TBX5: variants seen among roughly 807,000 people sequenced by gnomAD.
The protein encoded by TBX5 is T-box transcription factor 5.
In TBX5, 8 loss-of-function variants were observed where a neutral mutation model predicts 51.1. The ratio of observed to expected loss-of-function variants is 0.16; its 90% CI spans 0.09 to 0.28. The LOEUF (loss-of-function observed/expected upper bound fraction) is 0.28, where lower values mean the gene tolerates loss of function less well. Ranked by LOEUF, TBX5 falls within the 10% of genes least tolerant of loss-of-function variation. TBX5 has a pLI of 1.00. For missense variants in TBX5, 589 were observed against 671.7 expected (o/e 0.88, Z 1.36); for synonymous variants, 302 against 266.4 (o/e 1.13, Z -1.30).
At chr12:114,391,254 G>A (rs1313846564) in intron 6 of TBX5, among the ~76,000 whole-genome samples, 3 of 152,228 alleles carry the variant, frequency 2.0e-5, no homozygotes, top group African/African-American at 4.8e-5. Context: ...CATGATCAGG[G>A]AATGAGCCAA....
rs1869523601 is a variant in TBX5, at chr12:114,366,193, G to C, written c.954C>G (p.Ser318Arg). 1.2e-6 allele frequency: 2 copies of C among 1,614,098 alleles called. No homozygotes were observed. Among genetic ancestry groups the C allele is most frequent in the East Asian group, 4.5e-5 (2 of 44,886 alleles). Residue 318 changes from serine (S) to arginine (R), a missense_variant, in exon 8 of 9, where the codon AGC becomes AGG. This residue lies in a region of TBX5 where 348 missense variants were observed against 360.4 expected (regional missense o/e 0.97). Transcript: ENST00000405440. Reference sequence around the variant, plus strand: ...TCCTCTTGGTACAATGGTAAATTTGGCTATGCTCCTGGGGCAGTGGGTATG... The same window carrying C: ...TCCTCTTGGTACAATGGTAAATTTGCCTATGCTCCTGGGGCAGTGGGTATG... ...PNPYPLPQEH[S>R]QIYHCTKRKE...
chr12:114,382,333 A>C (rs1471283363), intron 7 of TBX5, among the ~76,000 whole-genome samples: 1 of 152,056 alleles, frequency 6.6e-6, no homozygotes, highest in Non-Finnish European at 1.5e-5. Context: ...ATCAATCAAT[A>C]AGTAAGTACA....
At chr12:114,368,094 T>G (rs1305450912) in intron 7 of TBX5, among the ~76,000 whole-genome samples, 1 of 152,248 alleles carries the variant, frequency 6.6e-6, no homozygotes, top group Non-Finnish European at 1.5e-5. Flanking sequence ...ATTTTAAAAA[T>G]TAATCATTTA....
intron 2 of TBX5, among the ~76,000 whole-genome samples, chr12:114,402,390 C>T (rs916004839): frequency 1.3e-5 from 2 of 152,208 alleles, no homozygotes; most frequent in African/African-American, 4.8e-5. Context: ...GAAAACCACT[C>T]AGAATATTCT....
intron 6 of TBX5, among the ~76,000 whole-genome samples, chr12:114,387,181 C>T (rs889270443): frequency 1.1e-4 from 17 of 152,102 alleles, no homozygotes; most frequent in Non-Finnish European, 5.9e-5. Flanking sequence ...TCAAGTATCC[C>T]TAAAAATCAT....
intron 7 of TBX5, among the ~76,000 whole-genome samples, chr12:114,375,737 A>C (rs984772402): frequency 2.6e-5 from 4 of 152,114 alleles, no homozygotes; most frequent in African/African-American, 4.8e-5. Flanking sequence ...GGAGGTTCCC[A>C]AAAAAATTAA....
chr12:114,356,565 C>G (rs1040903651), intron 8 of TBX5, among the ~76,000 whole-genome samples: 2 of 152,052 alleles, frequency 1.3e-5, no homozygotes, highest in African/African-American at 4.8e-5. Context: ...CCCCCCATCT[C>G]AAAAATAAAT....
At chr12:114,357,756 T>C (rs2136362501) in intron 8 of TBX5, among the ~76,000 whole-genome samples, 1 of 152,322 alleles carries the variant, frequency 6.6e-6, no homozygotes, top group Middle Eastern at 3.4e-3. Flanking sequence ...TTATCTGAAA[T>C]TTTACCTTCC....
In TBX5 at chr12:114,405,931, C is replaced by T; in HGVS notation, c.-342G>A. ...CACCGGCAACCATATAATCTCAGTG[C>T]CCCGCTCCTCCTTTACACCCCCAGG... On this transcript the variant is annotated 5_prime_UTR_variant, in exon 1 of 9. Transcript: ENST00000405440. The T allele has an allele frequency of 2.0e-5, 20 of 985,468 alleles. No homozygotes were observed. Among genetic ancestry groups the T allele is most frequent in the Non-Finnish European group, 2.4e-5 (20 of 829,984 alleles). 61.0% of individuals were successfully genotyped at this position (985,468 alleles called of 1,614,324 possible). A position where few individuals can be genotyped will look rare whatever the true frequency, so the allele number is the denominator to read the frequency against.
At chr12:114,366,122 A>T (rs3741694) in intron 8 of TBX5, 43 bp downstream of exon 8, 5 of 1,589,900 alleles carry the variant, frequency 3.1e-6, no homozygotes, top group Non-Finnish European at 4.3e-6. Context: ...GGAAAGGAAA[A>T]GGTAAGAAAG....
intron 5 of TBX5, among the ~76,000 whole-genome samples, chr12:114,396,390 C>A (rs1020199201): frequency 1.3e-5 from 2 of 152,182 alleles, no homozygotes; most frequent in African/African-American, 4.8e-5. Context: ...AGTGTGGAGA[C>A]ATCAGCGCGA....
Position 114,355,909 on chromosome 12 carries a change from C to T in TBX5, c.1180G>A (p.Glu394Lys). The change falls in exon 9 of 9, where the codon GAG becomes AAG. Residue 394 changes from glutamate (E) to lysine (K), a missense_variant. By Grantham distance (56) the Glu-to-Lys change is moderately conservative. Transcript: ENST00000405440. ...GGCCACGTGTTGCAGCTGATGTCCTCTAGGCTGGGCACAGGCTCGCTGGGG... is the reference window on the plus strand; with the variant it reads ...GGCCACGTGTTGCAGCTGATGTCCTTTAGGCTGGGCACAGGCTCGCTGGGG... ...APPSEPVPSL[E>K]DISCNTWPSM... 1 of 1,613,828 alleles carries T rather than the reference C, an allele frequency of 6.2e-7. No homozygotes were observed. Among genetic ancestry groups the T allele is most frequent in the South Asian group, 1.1e-5 (1 of 91,084 alleles).
intron 4 of TBX5, among the ~76,000 whole-genome samples, 184 bp from the exon 5 acceptor site, chr12:114,398,904 G>C (rs1289062182): frequency 2.0e-5 from 3 of 152,200 alleles, no homozygotes; most frequent in Non-Finnish European, 4.4e-5. Context: ...CTTTGTGCCT[G>C]CGCCCAGGCA....
chr12:114,386,812 A>G (rs984441176), intron 6 of TBX5, among the ~76,000 whole-genome samples: 1 of 152,150 alleles, frequency 6.6e-6, no homozygotes, highest in African/African-American at 2.4e-5. Flanking sequence ...AACAACTTTC[A>G]GCCAGCCATG....
intron 8 of TBX5, among the ~76,000 whole-genome samples, chr12:114,359,253 G>C (rs772101271): frequency 6.6e-6 from 1 of 152,078 alleles, no homozygotes; most frequent in African/African-American, 2.4e-5. Context: ...ATTCCTCTCA[G>C]GCCTCATCAC....
At chr12:114,376,410 A>G (rs1870192195) in intron 7 of TBX5, among the ~76,000 whole-genome samples, 1 of 152,206 alleles carries the variant, frequency 6.6e-6, no homozygotes, top group African/African-American at 2.4e-5. Flanking sequence ...TCAACATGAC[A>G]TGACTCACTT....
intron 1 of TBX5, among the ~76,000 whole-genome samples, chr12:114,404,682 G>C (rs1451869564): frequency 6.6e-6 from 1 of 152,102 alleles, no homozygotes; most frequent in Non-Finnish European, 1.5e-5. Context: ...CCGTGCAGCC[G>C]TTCCGAGGAA....
In TBX5 at chr12:114,355,411, T is replaced by C. The variant is rs112051831; in HGVS notation, c.*121A>G. 549 of 1,259,124 alleles carry C rather than the reference T, an allele frequency of 4.4e-4. 2 individuals are homozygous for C. In the African/African-American group the frequency reaches 6.6e-3, roughly 15 times the overall value. 78.0% of individuals were successfully genotyped at this position (1,259,124 alleles called of 1,614,324 possible). A position where few individuals can be genotyped will look rare whatever the true frequency, so the allele number is the denominator to read the frequency against. ...GCGACCTTGAGTGCAGATGTGAACA[T>C]TGGGTGAAATGAAAAATCTTGTCCG... On this transcript the variant is annotated 3_prime_UTR_variant, in exon 9 of 9. Coordinates refer to ENST00000405440, the MANE Select transcript of TBX5 (RefSeq NM_181486.4).
At chr12:114,389,786 A>C in intron 6 of TBX5, among the ~76,000 whole-genome samples, 1 of 123,438 alleles carries the variant, frequency 8.1e-6, no homozygotes, top group Non-Finnish European at 1.7e-5. Flanking sequence ...AAAAAAAAAA[A>C]AAAGTGGATG....
Sources: allele counts gnomAD v4.1 joint callset (sites outside exome capture counted in the v4.1 genomes callset), GRCh38; gene constraint gnomAD v4.1.1; regional missense constraint gnomAD v4.1.1; transcripts MANE v1.5; gene names NCBI Gene and HGNC (gene_info 2026-07-23, HGNC 2026-07-21).